Variants in STRN4 observed in about 807,000 individuals in gnomAD.
STRN4 encodes the protein striatin-4.
STRN4 carries 27 observed loss-of-function variants against 77.9 expected under a neutral mutation model. That is an observed-to-expected ratio of 0.35 (90% CI 0.26 to 0.48). The LOEUF is 0.48. Ranked by LOEUF, STRN4 falls within the 20% of genes least tolerant of loss-of-function variation. The pLI is 0.99. For synonymous variants in STRN4, 466 were observed against 443.1 expected (o/e 1.05, Z -0.65); for missense variants, 798 against 1,049.7 (o/e 0.76, Z 3.31).
At chr19:46,737,723 C>T (rs1166560841) in intron 3 of STRN4, among the ~76,000 whole-genome samples, 2 of 152,288 alleles carry the variant, frequency 1.3e-5, no homozygotes, top group East Asian at 1.9e-4. Flanking sequence ...CCATGTCTCC[C>T]GTGCTCTCTG....
intron 7 of STRN4, 90 bp downstream of exon 7, chr19:46,728,528 T>G: frequency 6.7e-7 from 1 of 1,486,528 alleles, no homozygotes; most frequent in East Asian, 2.3e-5. Flanking sequence ...AGAGAGACCC[T>G]GTACAGGAAG....
At chr19:46,724,568 C>G (rs1290321086) in intron 12 of STRN4, among the ~76,000 whole-genome samples, 1 of 152,218 alleles carries the variant, frequency 6.6e-6, no homozygotes, top group Non-Finnish European at 1.5e-5. Flanking sequence ...GACGCCGGCT[C>G]ACAGAGATTC....
intron 1 of STRN4, among the ~76,000 whole-genome samples, chr19:46,742,742 T>C (rs2054496705): frequency 2.0e-5 from 3 of 152,174 alleles, no homozygotes; most frequent in Non-Finnish European, 4.4e-5. Flanking sequence ...TCTGTATTTT[T>C]AGTAGAGGTG....
In STRN4 at chr19:46,725,630, C is replaced by T; in HGVS notation, c.1267G>A (p.Ala423Thr). 2 of 1,614,040 alleles carry T rather than the reference C, an allele frequency of 1.2e-6. No individual in the cohort carries two copies. The highest frequency in any genetic ancestry group is 1.7e-6 in the Non-Finnish European group (2 of 1,179,922). ...TTGGGGTTCCACGTCTTCTTAAAAG[C>T]ATCTTTGCTGTCAGACAGCTGGGGT... Reference protein sequence around the residue: ...LSCDLSDSKDAFKKTWNPKFT... With the variant: ...LSCDLSDSKDTFKKTWNPKFT... Residue 423 changes from alanine to threonine, a missense_variant, in exon 10 of 18, where the codon GCT becomes ACT. Coordinates refer to ENST00000263280, the MANE Select transcript of STRN4 (RefSeq NM_013403.3).
At chr19:46,737,129 C>T (rs1428123087) in intron 3 of STRN4, among the ~76,000 whole-genome samples, 1 of 152,166 alleles carries the variant, frequency 6.6e-6, no homozygotes, top group Non-Finnish European at 1.5e-5. Flanking sequence ...AAACTGGCCC[C>T]CGACAAGATA....
chr19:46,746,106 GC>G, intron 1 of STRN4, 42 bp downstream of exon 1: 1 of 1,442,806 alleles, frequency 6.9e-7, no homozygotes, highest in African/African-American at 1.5e-5. Context: ...GCCGGGCCGG[GC>G]CGGGCCGGGT....
At chr19:46,742,966 G>A (rs565420491) in intron 1 of STRN4, among the ~76,000 whole-genome samples, 1 of 152,294 alleles carries the variant, frequency 6.6e-6, no homozygotes, top group South Asian at 2.1e-4. Context: ...TCTGATGGGG[G>A]AAAAACTAGA....
chr19:46,740,636 G>A (rs1043863178), intron 1 of STRN4, among the ~76,000 whole-genome samples: 3 of 151,914 alleles, frequency 2.0e-5, no homozygotes, highest in Non-Finnish European at 4.4e-5. Flanking sequence ...CCCAGGGGCA[G>A]TTCAGCCTGC....
At chr19:46,731,248 G>T (rs1181905626) in intron 5 of STRN4, among the ~76,000 whole-genome samples, 1 of 152,178 alleles carries the variant, frequency 6.6e-6, no homozygotes, top group African/African-American at 2.4e-5. Context: ...GACCACAAGG[G>T]CAGGTCAGGC....
intron 16 of STRN4, chr19:46,721,622 G>A (rs953046686): frequency 2.0e-5 from 5 of 249,718 alleles, no homozygotes; most frequent in African/African-American, 1.1e-4. Flanking sequence ...CTTATCCAGA[G>A]ACAACAGGGT....
intron 16 of STRN4, chr19:46,721,711 C>T (rs925796338): frequency 9.6e-6 from 4 of 418,502 alleles, no homozygotes; most frequent in South Asian, 7.9e-5. Flanking sequence ...AGTTACAAAG[C>T]GTCTGGGCAT....
At chr19:46,744,998 T>G (rs2122439710) in intron 1 of STRN4, among the ~76,000 whole-genome samples, 1 of 152,126 alleles carries the variant, frequency 6.6e-6, no homozygotes, top group African/African-American at 2.4e-5. Flanking sequence ...ACGGGGTCTT[T>G]TCCCAAGACT....
Position 46,741,348 on chromosome 19 carries a change from G to C in STRN4, c.283-2460C>G, listed in dbSNP as rs763397842. On this transcript the variant is annotated intron_variant, in intron 1 of 17. Coordinates refer to ENST00000263280, the MANE Select transcript of STRN4 (RefSeq NM_013403.3). This position sits in a 1 kb window ranked among gnomAD's most constrained non-coding sequence, Gnocchi z 4.9. ...CCCTTCATCCCTCTGCTGCCTCATC[G>C]AGCTGTGGTCTCCCTCCTCCTAATG... Among the ~76,000 whole-genome samples, 1 of 152,174 alleles carries C rather than the reference G, an allele frequency of 6.6e-6. No homozygotes were observed. Among genetic ancestry groups the C allele is most frequent in the African/African-American group, 2.4e-5 (1 of 41,430 alleles).
Position 46,733,403 on chromosome 19 carries a change from C to T in STRN4, c.540-167G>A. On this transcript the variant is annotated intron_variant, in intron 4 of 17. Transcript: ENST00000263280. This position sits in a 1 kb window ranked among gnomAD's most constrained non-coding sequence, Gnocchi z 4.3. ...AGCAGTTCCCCGTCAAGGCTATTTC[C>T]AGTGGAAGCCCTTGTACACACACAC... 1.5e-6 allele frequency: 1 copy of T among 645,592 alleles called. No individual in the cohort carries two copies. Among genetic ancestry groups the T allele is most frequent in the South Asian group, 1.8e-5 (1 of 54,662 alleles). 40.0% of individuals were successfully genotyped at this position (645,592 alleles called of 1,614,324 possible).
Position 46,736,920 on chromosome 19 carries a change from G to A in STRN4, c.461-19C>T. The A allele has an allele frequency of 6.2e-7, 1 of 1,609,526 alleles. No individual in the cohort carries two copies. Among genetic ancestry groups the A allele is most frequent in the Non-Finnish European group, 8.5e-7 (1 of 1,177,790 alleles). On this transcript the variant is annotated intron_variant, in intron 3 of 17. Coordinates refer to ENST00000263280, the MANE Select transcript of STRN4 (RefSeq NM_013403.3). Reference sequence around the variant, plus strand: ...TTGGAGACTGGCGGGTGAGAGAACGGAGGCTGTCTTAAGTCAGGCCACTGC... The same window carrying A: ...TTGGAGACTGGCGGGTGAGAGAACGAAGGCTGTCTTAAGTCAGGCCACTGC...
chr19:46,728,396 G>C (rs2054172436), intron 7 of STRN4: 1 of 651,328 alleles, frequency 1.5e-6, no homozygotes, highest in South Asian at 2.0e-5. Context: ...ACTTCAGGAA[G>C]AGCCAGGACT....
intron 1 of STRN4, among the ~76,000 whole-genome samples, chr19:46,744,949 T>C (rs967524710): frequency 6.6e-6 from 1 of 151,970 alleles, no homozygotes; most frequent in Admixed American, 6.6e-5. Flanking sequence ...CCTCAGACTC[T>C]TCCATTCAAC....
In STRN4 at chr19:46,733,002, G is replaced by A; in HGVS notation, c.737+37C>T. ...CCTGGCCTTCACCAGCAGTCAGGAG[G>A]AACAGAGAGACACACCTGCCATGTC... On this transcript the variant is annotated intron_variant, in intron 5 of 17. Coordinates refer to ENST00000263280, the MANE Select transcript of STRN4 (RefSeq NM_013403.3). This position sits in a 1 kb window ranked among gnomAD's most constrained non-coding sequence, Gnocchi z 4.3. 1.3e-6 allele frequency: 2 copies of A among 1,582,922 alleles called. No homozygotes were observed. The highest frequency in any genetic ancestry group is 1.7e-6 in the Non-Finnish European group (2 of 1,159,012).
rs2054072787 is a variant in STRN4, at chr19:46,724,946, G to A, written c.1473-18C>T. 6.2e-7 allele frequency: 1 copy of A among 1,613,586 alleles called. No individual in the cohort carries two copies. The highest frequency in any genetic ancestry group is 8.5e-7 in the Non-Finnish European group (1 of 1,180,024). On this transcript the variant is annotated intron_variant, in intron 11 of 17. Transcript: ENST00000263280. ...CTGGGCCCCTGGAAGGGACAAATAT[G>A]TGGAAAGGGGGATGAGACAAGCTCA...
Sources: allele counts gnomAD v4.1 joint callset (sites outside exome capture counted in the v4.1 genomes callset), GRCh38; gene constraint gnomAD v4.1.1; non-coding constraint Gnocchi (gnomAD v3.1); transcripts MANE v1.5; gene names NCBI Gene and HGNC (gene_info 2026-07-23, HGNC 2026-07-21).